The following ITPRID2 variants were observed in gnomAD, a reference collection of about 807,000 sequenced individuals.
The protein encoded by ITPRID2 is protein ITPRID2.
In ITPRID2, 60 loss-of-function variants were observed where a neutral mutation model predicts 124.3. The observed-to-expected ratio is 0.48, with a 90% confidence interval of 0.39 to 0.60. The LOEUF is 0.60. Ranked by LOEUF, ITPRID2 falls within the 20% of genes least tolerant of loss-of-function variation. The pLI is 0.00. For missense variants in ITPRID2, 1,553 were observed against 1,512.2 expected (o/e 1.03, Z -0.45); for synonymous variants, 521 against 542.9 (o/e 0.96, Z 0.56).
Position 181,902,933 on chromosome 2 carries a change from T to C in ITPRID2, c.1413+467T>C, listed in dbSNP as rs1692796872. Among the ~76,000 whole-genome samples, 1 of 152,144 alleles carries C rather than the reference T, an allele frequency of 6.6e-6. No individual in the cohort carries two copies. The highest frequency in any genetic ancestry group is 2.4e-5 in the African/African-American group (1 of 41,430). ...AAGGCGGCTTTGGGGATAGTTCTTGTTATATGACTGGAAAGAACATGAAGA... is the reference window on the plus strand; with the variant it reads ...AAGGCGGCTTTGGGGATAGTTCTTGCTATATGACTGGAAAGAACATGAAGA... On this transcript the variant is annotated intron_variant, in intron 8 of 17. Coordinates refer to ENST00000431877, the MANE Select transcript of ITPRID2 (RefSeq NM_001130445.3). The surrounding 1 kb of genome is among the most constrained non-coding windows in gnomAD (Gnocchi z 4.4).
intron 11 of ITPRID2, chr2:181,917,118 T>A: frequency 2.0e-6 from 1 of 512,262 alleles, no homozygotes; most frequent in Non-Finnish European, 2.5e-6. Flanking sequence ...TGAAAATAAG[T>A]ACGTTGTCTT....
At chr2:181,916,848 G>C (rs1327938642) in intron 11 of ITPRID2, 5 of 1,001,630 alleles carry the variant, frequency 5.0e-6, no homozygotes, top group Non-Finnish European at 6.0e-6. Flanking sequence ...TTTTCTCCCT[G>C]TTGGCTTCTG....
intron 14 of ITPRID2, among the ~76,000 whole-genome samples, chr2:181,920,117 A>G (rs1038756460): frequency 1.3e-5 from 2 of 152,178 alleles, no homozygotes; most frequent in African/African-American, 4.8e-5. Context: ...GAAATGCTGA[A>G]ATAGTGAATT....
chr2:181,910,398 T>A lies in ITPRID2; in HGVS notation c.1486+427T>A. On this transcript the variant is annotated intron_variant, in intron 9 of 17. Coordinates refer to ENST00000431877, the MANE Select transcript of ITPRID2 (RefSeq NM_001130445.3). The surrounding 1 kb of genome is among the most constrained non-coding windows in gnomAD (Gnocchi z 4.1). ...TATTCCTCTAGCAAAACCCACCAAT[T>A]TTTTAGCAATAGTTAAAGCTAGTTA... 2.0e-6 allele frequency: 1 copy of A among 512,700 alleles called. No homozygotes were observed. Among genetic ancestry groups the A allele is most frequent in the Non-Finnish European group, 3.5e-6 (1 of 287,614 alleles). 31.8% of individuals were successfully genotyped at this position (512,700 alleles called of 1,614,324 possible).
chr2:181,900,915 T>TA lies in ITPRID2; in HGVS notation c.712+13dup, dbSNP rs762279713. 3.1e-6 allele frequency: 5 copies of TA among 1,594,694 alleles called. No homozygotes were observed. In the East Asian group the frequency reaches 1.1e-4, roughly 36 times the overall value. The stretch of plus-strand genomic sequence containing the variant: ...ATTATGCTTTAACAAGTAAGATTTT[T>TA]AAGTGTTAGGCATATTATTTTCTTA... On this transcript the variant is annotated intron_variant, in intron 7 of 17. Coordinates refer to ENST00000431877, the MANE Select transcript of ITPRID2 (RefSeq NM_001130445.3).
chr2:181,926,860 T>C (rs1694907664), intron 16 of ITPRID2, among the ~76,000 whole-genome samples: 4 of 152,186 alleles, frequency 2.6e-5, no homozygotes, highest in Admixed American at 2.6e-4. Context: ...TTTGCAGTGG[T>C]CCTAATTCAG....
intron 2 of ITPRID2, chr2:181,894,242 G>A (rs1487067379): frequency 6.6e-6 from 1 of 152,198 alleles, no homozygotes; most frequent in Non-Finnish European, 1.5e-5. Context: ...CAGTAAATAA[G>A]TGCATCTTTT....
intron 8 of ITPRID2, among the ~76,000 whole-genome samples, chr2:181,904,483 G>A (rs572596915): frequency 1.2e-5 from 1 of 84,132 alleles, no homozygotes; most frequent in East Asian, 4.7e-4. Context: ...AAGAGAGCTT[G>A]TAGAACAATG....
Position 181,916,290 on chromosome 2 carries a change from C to A in ITPRID2, c.2650C>A (p.Pro884Thr). Reference sequence around the variant, plus strand: ...GGCTACTTGTAGTGCCTTCGCTTCCCCTTTCGGGTGTCCTTACTCACATAG... The same window carrying A: ...GGCTACTTGTAGTGCCTTCGCTTCCACTTTCGGGTGTCCTTACTCACATAG... Reference protein sequence around the residue: ...SGATCSAFASPFGCPYSHRHA... With the variant: ...SGATCSAFASTFGCPYSHRHA... The change falls in exon 11 of 18, where the codon CCT becomes ACT. Residue 884 changes from proline to threonine, a missense_variant. Physicochemically the swap from Pro to Thr is conservative, Grantham distance 38. Transcript: ENST00000431877. 1 of 1,614,214 alleles carries A rather than the reference C, an allele frequency of 6.2e-7. No individual in the cohort carries two copies. Among genetic ancestry groups the A allele is most frequent in the Non-Finnish European group, 8.5e-7 (1 of 1,180,042 alleles).
intron 6 of ITPRID2, among the ~76,000 whole-genome samples, chr2:181,899,670 C>T (rs147617943): frequency 0.011 from 1,735 of 152,180 alleles, 17 homozygotes; most frequent in Non-Finnish European, 0.018. Flanking sequence ...ACGGCGAAAC[C>T]CTGTCTTTAC....
At position 181,929,584 on chromosome 2, in the gene ITPRID2, TGTA is replaced by T; in HGVS notation, c.*38_*40del. The T allele has an allele frequency of 6.2e-7, 1 of 1,613,028 alleles. No individual in the cohort carries two copies. Among genetic ancestry groups the T allele is most frequent in the Non-Finnish European group, 8.5e-7 (1 of 1,179,324 alleles). ...AGGTTGGCATGGATCCTATTAGCTG[TGTA>T]ATACTGGAATTATCAATGATATGCA... On this transcript the variant is annotated 3_prime_UTR_variant, in exon 18 of 18. Coordinates refer to ENST00000431877, the MANE Select transcript of ITPRID2 (RefSeq NM_001130445.3).
rs770186816 is a variant in ITPRID2 at position 181,916,417 on chromosome 2, A to G, written c.2777A>G (p.Asn926Ser). Reference protein sequence around the residue: ...VLHDIRNSLQNLSQYPMMRGP... With the variant: ...VLHDIRNSLQSLSQYPMMRGP... ...CATGATATTAGAAACTCACTGCAGA[A>G]TCTTTCACAGGTATGAGAAAAAGTA... The change falls in exon 11 of 18, where the codon AAT (asparagine) becomes AGT (serine). Residue 926 changes from asparagine (N) to serine (S), a missense_variant. Physicochemically the swap from Asn to Ser is conservative, Grantham distance 46. Transcript: ENST00000431877. 6 of 1,612,510 alleles carry G rather than the reference A, an allele frequency of 3.7e-6. No individual in the cohort carries two copies. The East Asian group carries it at 1.3e-4, about 36-fold the overall frequency.
Position 181,892,485 on chromosome 2 carries a change from A to G in ITPRID2, c.212-130A>G. The G allele has an allele frequency of 7.8e-7, 1 of 1,277,972 alleles. No homozygotes were observed. Among genetic ancestry groups the G allele is most frequent in the East Asian group, 2.4e-5 (1 of 41,740 alleles). The allele number at this position is 1,277,972 out of a possible 1,614,324, so 79.2% of individuals were successfully genotyped here. On this transcript the variant is annotated intron_variant, in intron 1 of 17. Coordinates refer to ENST00000431877, the MANE Select transcript of ITPRID2 (RefSeq NM_001130445.3). This position sits in a 1 kb window ranked among gnomAD's most constrained non-coding sequence, Gnocchi z 5.2. ...TGGGTGCCATCCGATTTCCCTGCCA[A>G]GGGACACTGAGACGTGTCGCTTAGG...
Position 181,892,773 on chromosome 2 carries a change from A to G in ITPRID2, c.257+113A>G. 1 of 1,285,754 alleles carries G rather than the reference A, an allele frequency of 7.8e-7. No individual in the cohort carries two copies. Among genetic ancestry groups the G allele is most frequent in the East Asian group, 2.4e-5 (1 of 41,464 alleles). 79.6% of individuals were successfully genotyped at this position (1,285,754 alleles called of 1,614,324 possible). A position where few individuals can be genotyped will look rare whatever the true frequency, so the allele number is the denominator to read the frequency against. ...GGTCCCGCGACCGTTGTAAGCTACA[A>G]ACCGGAAAGTGAGCCGGCGGATAGC... On this transcript the variant is annotated intron_variant, in intron 2 of 17. Coordinates refer to ENST00000431877, the MANE Select transcript of ITPRID2 (RefSeq NM_001130445.3). This position sits in a 1 kb window ranked among gnomAD's most constrained non-coding sequence, Gnocchi z 5.2.
intron 11 of ITPRID2, chr2:181,917,751 A>G (rs1044202931): frequency 6.6e-6 from 1 of 152,226 alleles, no homozygotes; most frequent in Non-Finnish European, 1.5e-5. Flanking sequence ...GTTCTTAGGT[A>G]TCTGCACATG....
At chr2:181,925,568 A>ATTGTCTCTCACCCTTGTGAT (rs1347673469) in intron 16 of ITPRID2, among the ~76,000 whole-genome samples, 4 of 152,152 alleles carry the variant, frequency 2.6e-5, no homozygotes, top group African/African-American at 9.6e-5. Context: ...TGTGTCTGAT[A>ATTGTCTCTCACCCTTGTGAT]TTGTCTCTCA....
In ITPRID2 at chr2:181,891,932, C is replaced by T. The variant is rs1190312075; in HGVS notation, c.-135C>T. On this transcript the variant is annotated 5_prime_UTR_variant, in exon 1 of 18. Coordinates refer to ENST00000431877, the MANE Select transcript of ITPRID2 (RefSeq NM_001130445.3). ...TCCCTCCCTGTCCCCTCCTCCTCCTCCTCCTCCTCCGGCGCCCGCTTCAGC... is the reference window on the plus strand; with the variant it reads ...TCCCTCCCTGTCCCCTCCTCCTCCTTCTCCTCCTCCGGCGCCCGCTTCAGC... 4 of 483,960 alleles carry T rather than the reference C, an allele frequency of 8.3e-6. No individual in the cohort carries two copies. Among genetic ancestry groups the T allele is most frequent in the Non-Finnish European group, 1.4e-5 (4 of 276,168 alleles). The allele number at this position is 483,960 out of a possible 1,614,324, so 30.0% of individuals were successfully genotyped here.
chr2:181,899,179 C>A, intron 6 of ITPRID2, 67 bp downstream of exon 6: 2 of 1,168,234 alleles, frequency 1.7e-6, no homozygotes, highest in South Asian at 3.1e-5. Flanking sequence ...ATCATTTTTT[C>A]AATCTTGGAT....
At position 181,891,852 on chromosome 2, in the gene ITPRID2, C is replaced by G. The variant is rs915408436; in HGVS notation, c.-215C>G. 3.1e-6 allele frequency: 1 copy of G among 326,174 alleles called. No individual in the cohort carries two copies. Among genetic ancestry groups the G allele is most frequent in the African/African-American group, 2.3e-5 (1 of 43,408 alleles). 20.2% of individuals were successfully genotyped at this position (326,174 alleles called of 1,614,324 possible). On this transcript the variant is annotated 5_prime_UTR_variant, in exon 1 of 18. Coordinates refer to ENST00000431877, the MANE Select transcript of ITPRID2 (RefSeq NM_001130445.3). ...ACTAGCGCTCCCGCGCGCGCCCGGC[C>G]GCCTTCATGTGAAGCGCCGGCCCTC... is the stretch of plus-strand genomic sequence containing the variant.
Sources: allele counts gnomAD v4.1 joint callset (sites outside exome capture counted in the v4.1 genomes callset), GRCh38; gene constraint gnomAD v4.1.1; non-coding constraint Gnocchi (gnomAD v3.1); transcripts MANE v1.5; gene names NCBI Gene and HGNC (gene_info 2026-07-23, HGNC 2026-07-21).